The following REEP1 variants were observed in gnomAD, a reference collection of about 807,000 sequenced individuals.
The protein encoded by REEP1 is receptor accessory protein 1.
REEP1 carries 22 observed loss-of-function variants against 40.3 expected under a neutral mutation model. The ratio of observed to expected loss-of-function variants is 0.55; its 90% CI spans 0.39 to 0.78. The LOEUF (loss-of-function observed/expected upper bound fraction) is 0.78, where lower values mean the gene tolerates loss of function less well. REEP1 is among the 30% of genes least tolerant of loss of function. The pLI, the probability that REEP1 is intolerant of heterozygous loss-of-function variation, is 0.00. For missense variants in REEP1, 280 were observed against 361.1 expected (o/e 0.78, Z 1.82); for synonymous variants, 116 against 139.2 (o/e 0.83, Z 1.17).
At chr2:86,301,774 G>A (rs1048434635) in intron 1 of REEP1, among the ~76,000 whole-genome samples, 6 of 152,184 alleles carry the variant, frequency 3.9e-5, no homozygotes, top group African/African-American at 1.4e-4. Flanking sequence ...GTCGAAGTCA[G>A]CAAAAATAAG....
chr2:86,247,519 A>G (rs1676038148), intron 5 of REEP1, among the ~76,000 whole-genome samples: 1 of 152,066 alleles, frequency 6.6e-6, no homozygotes, highest in African/African-American at 2.4e-5. Flanking sequence ...AGCAACATAG[A>G]AAGACCTTAT....
At chr2:86,335,743 G>C (rs916492867) in intron 1 of REEP1, among the ~76,000 whole-genome samples, 32 of 152,062 alleles carry the variant, frequency 2.1e-4, no homozygotes, top group Admixed American at 3.9e-4. Flanking sequence ...CAGCTACTCG[G>C]GAGGCTGAGG....
chr2:86,279,977 G>A lies in REEP1; in HGVS notation c.105+2193C>T, dbSNP rs902592818. The A allele has an allele frequency of 6.6e-6, 3 of 456,318 alleles. No homozygotes were observed. The Admixed American group carries it at 7.0e-5, about 11-fold the overall frequency. 28.3% of individuals were successfully genotyped at this position (456,318 alleles called of 1,614,324 possible). ...ACTGTAACCTTCTAGGGAAAATAGT[G>A]AGAATCTCATTTCTGAGAGTGGCAG... On this transcript the variant is annotated intron_variant, in intron 2 of 8. Transcript: ENST00000538924.
At chr2:86,302,679 C>T (rs1309036012) in intron 1 of REEP1, among the ~76,000 whole-genome samples, 1 of 152,076 alleles carries the variant, frequency 6.6e-6, no homozygotes, top group Non-Finnish European at 1.5e-5. Flanking sequence ...TATCTTAGGA[C>T]TCTTGTGGGC....
intron 5 of REEP1, among the ~76,000 whole-genome samples, chr2:86,241,417 C>G (rs1411453270): frequency 6.6e-6 from 1 of 152,146 alleles, no homozygotes; most frequent in Non-Finnish European, 1.5e-5. Flanking sequence ...TTCTTTCACC[C>G]TGCATTAAGT....
At chr2:86,284,025 G>A (rs559067578) in intron 1 of REEP1, among the ~76,000 whole-genome samples, 3 of 152,258 alleles carry the variant, frequency 2.0e-5, no homozygotes, top group African/African-American at 7.2e-5. Flanking sequence ...GCCTGGGGGT[G>A]AGGGGGAAAC....
In REEP1 at chr2:86,337,413, C is replaced by A. The variant is rs1371948090; in HGVS notation, c.32+66G>T. The stretch of plus-strand genomic sequence containing the variant: ...ACTGGGACCGGGCGCTGTAGGGGCG[C>A]GCGCAGCCCGGGGCCGGGGGCGGGG... On this transcript the variant is annotated intron_variant, in intron 1 of 8. Transcript: ENST00000538924. The surrounding 1 kb of genome is among the most constrained non-coding windows in gnomAD (Gnocchi z 5.8). 6.3e-6 allele frequency: 7 copies of A among 1,107,184 alleles called. No individual in the cohort carries two copies. The highest frequency in any genetic ancestry group is 7.9e-6 in the Non-Finnish European group (7 of 881,600). 68.6% of individuals were successfully genotyped at this position (1,107,184 alleles called of 1,614,324 possible).
rs1673989586 is a variant in REEP1 at position 86,214,248 on chromosome 2, T to TAA, written c.*2790_*2791insTT. 6.5e-6 allele frequency: 1 copy of TAA among 152,794 alleles called. No homozygotes were observed. The highest frequency in any genetic ancestry group is 1.5e-5 in the Non-Finnish European group (1 of 68,166). 9.5% of individuals were successfully genotyped at this position (152,794 alleles called of 1,614,324 possible). A position where few individuals can be genotyped will look rare whatever the true frequency, so the allele number is the denominator to read the frequency against. On this transcript the variant is annotated 3_prime_UTR_variant, in exon 9 of 9. Coordinates refer to ENST00000538924, the MANE Select transcript of REEP1 (RefSeq NM_001371279.1). ...GAAGCACATCCTTTGCCATTTCAAA[T>TAA]ACTGTGCCAGGTGGAGGACTAGGAA...
At chr2:86,288,168 G>C (rs550544466) in intron 1 of REEP1, among the ~76,000 whole-genome samples, 4 of 151,992 alleles carry the variant, frequency 2.6e-5, no homozygotes, top group African/African-American at 9.7e-5. Context: ...GATTACAGGC[G>C]TGAGCCACCA....
chr2:86,336,404 G>A (rs967401374), intron 1 of REEP1, among the ~76,000 whole-genome samples: 4 of 152,098 alleles, frequency 2.6e-5, no homozygotes, highest in African/African-American at 9.7e-5. Flanking sequence ...TTCAAAACGT[G>A]GGGAGTGATG....
intron 2 of REEP1, among the ~76,000 whole-genome samples, chr2:86,266,836 T>C (rs1332734634): frequency 6.7e-6 from 1 of 150,250 alleles, no homozygotes; most frequent in Non-Finnish European, 1.5e-5. Context: ...TGAAACCCCG[T>C]CTCCACTAAA....
Position 86,337,350 on chromosome 2 carries a change from G to C in REEP1, c.32+129C>G. Reference sequence around the variant, plus strand: ...GGCGTCCTCGGCGGCTACTGTACCTGCTAAATTTAGCTGCGCCGGGTATTA... The same window carrying C: ...GGCGTCCTCGGCGGCTACTGTACCTCCTAAATTTAGCTGCGCCGGGTATTA... On this transcript the variant is annotated intron_variant, in intron 1 of 8. Transcript: ENST00000538924. This position sits in a 1 kb window ranked among gnomAD's most constrained non-coding sequence, Gnocchi z 5.8. The C allele has an allele frequency of 1.8e-6, 1 of 548,590 alleles. No homozygotes were observed. The highest frequency in any genetic ancestry group is 2.0e-5 in the African/African-American group (1 of 49,892). The allele number at this position is 548,590 out of a possible 1,614,324, so 34.0% of individuals were successfully genotyped here.
chr2:86,311,175 C>A (rs897553799), intron 1 of REEP1, among the ~76,000 whole-genome samples: 1 of 151,984 alleles, frequency 6.6e-6, no homozygotes, highest in Non-Finnish European at 1.5e-5. Flanking sequence ...ATGCAAACTT[C>A]TAGATGGAAT....
intron 1 of REEP1, among the ~76,000 whole-genome samples, chr2:86,324,369 T>A (rs58287226): frequency 0.03 from 4,582 of 152,178 alleles, 117 homozygotes; most frequent in East Asian, 0.069. Flanking sequence ...AGAACATGAA[T>A]GGCCAATAAA....
chr2:86,300,585 G>T (rs1679217082), intron 1 of REEP1, among the ~76,000 whole-genome samples: 1 of 152,188 alleles, frequency 6.6e-6, no homozygotes. Context: ...GAGTCGAGCA[G>T]ATGTGGCCAA....
At chr2:86,224,190 T>C (rs1360319607) in intron 7 of REEP1, among the ~76,000 whole-genome samples, 1 of 152,198 alleles carries the variant, frequency 6.6e-6, no homozygotes, top group East Asian at 1.9e-4. Context: ...AAAATGTTCC[T>C]GTCTGCTGAG....
At chr2:86,272,469 C>T (rs1574065262) in intron 2 of REEP1, among the ~76,000 whole-genome samples, 1 of 152,232 alleles carries the variant, frequency 6.6e-6, no homozygotes, top group Non-Finnish European at 1.5e-5. Flanking sequence ...CAATCACATA[C>T]TGAAAAGCTC....
At chr2:86,306,784 C>A (rs114384598) in intron 1 of REEP1, among the ~76,000 whole-genome samples, 3,117 of 152,186 alleles carry the variant, frequency 0.02, 64 homozygotes, top group Non-Finnish European at 0.032. Flanking sequence ...AGGCCTCACA[C>A]TGCTGGTCCC....
intron 1 of REEP1, chr2:86,297,672 T>A: frequency 2.0e-6 from 2 of 983,984 alleles, no homozygotes; most frequent in Non-Finnish European, 2.4e-6. Context: ...CACTTACTTT[T>A]CCAAGGTGGA....
Sources: allele counts gnomAD v4.1 joint callset (sites outside exome capture counted in the v4.1 genomes callset), GRCh38; gene constraint gnomAD v4.1.1; non-coding constraint Gnocchi (gnomAD v3.1); transcripts MANE v1.5; gene names NCBI Gene and HGNC (gene_info 2026-07-23, HGNC 2026-07-21).